The following TFPI variants were observed in gnomAD, a reference collection of about 807,000 sequenced individuals.
TFPI encodes tissue factor pathway inhibitor.
A neutral mutation model predicts 34.6 loss-of-function variants in TFPI; 15 were observed. The observed-to-expected ratio is 0.43, with a 90% confidence interval of 0.29 to 0.67. The LOEUF (loss-of-function observed/expected upper bound fraction) is 0.67, where lower values mean the gene tolerates loss of function less well. TFPI is among the 30% of genes least tolerant of loss of function. TFPI has a pLI of 0.15. For synonymous variants in TFPI, 105 were observed against 120.1 expected (o/e 0.87, Z 0.82); for missense variants, 301 against 364.0 (o/e 0.83, Z 1.41).
At chr2:187,475,500 A>G (rs1692320810) in intron 6 of TFPI, among the ~76,000 whole-genome samples, 2 of 152,178 alleles carry the variant, frequency 1.3e-5, no homozygotes, top group East Asian at 1.9e-4. Flanking sequence ...CGTCATCATC[A>G]TCATTGAAAA....
At chr2:187,478,725 T>A (rs1456331203) in intron 6 of TFPI, 2 of 1,613,676 alleles carry the variant, frequency 1.2e-6, no homozygotes, top group Non-Finnish European at 1.7e-6. Context: ...CATGGATGCA[T>A]GAATGCAGAA....
intron 6 of TFPI, among the ~76,000 whole-genome samples, chr2:187,476,042 G>A (rs1052028322): frequency 6.6e-6 from 1 of 152,176 alleles, no homozygotes; most frequent in Non-Finnish European, 1.5e-5. Flanking sequence ...GTGCAACAGT[G>A]CTGATTCAAA....
At chr2:187,508,888 A>C (rs1559130545) in intron 1 of TFPI, among the ~76,000 whole-genome samples, 2 of 152,180 alleles carry the variant, frequency 1.3e-5, no homozygotes, top group African/African-American at 4.8e-5. Flanking sequence ...TTCAAAGGGA[A>C]TGCTTCCAGG....
At chr2:187,521,117 A>G (rs935587159) in intron 1 of TFPI, among the ~76,000 whole-genome samples, 2 of 151,994 alleles carry the variant, frequency 1.3e-5, no homozygotes, top group Non-Finnish European at 2.9e-5. Flanking sequence ...TTGGGATGTC[A>G]TTTCTTTTAG....
intron 1 of TFPI, among the ~76,000 whole-genome samples, chr2:187,537,694 T>G (rs1260773589): frequency 1.3e-5 from 2 of 152,152 alleles, no homozygotes; most frequent in Non-Finnish European, 2.9e-5. Context: ...ACTTCATCAC[T>G]AAAACACCAA....
At chr2:187,518,599 A>C (rs1439076422) in intron 1 of TFPI, 2 of 152,150 alleles carry the variant, frequency 1.3e-5, no homozygotes, top group Non-Finnish European at 2.9e-5. Flanking sequence ...ACTTTGGTGA[A>C]TCTGACGATT....
chr2:187,473,812 T>G (rs10186632), intron 6 of TFPI, among the ~76,000 whole-genome samples: 17 of 150,122 alleles, frequency 1.1e-4, no homozygotes, highest in East Asian at 1.9e-4. Flanking sequence ...CTTTTTTTTT[T>G]CCCCCCGCAT....
intron 6 of TFPI, among the ~76,000 whole-genome samples, chr2:187,473,065 A>G (rs1327881431): frequency 6.6e-6 from 1 of 152,174 alleles, no homozygotes; most frequent in Non-Finnish European, 1.5e-5. Flanking sequence ...ATCAGTTATA[A>G]GTTTCATCAT....
chr2:187,471,274 A>C (rs147878804), intron 6 of TFPI, among the ~76,000 whole-genome samples: 38 of 152,284 alleles, frequency 2.5e-4, no homozygotes, highest in African/African-American at 9.1e-4. Context: ...AATGACAGTA[A>C]AATTAAAGTA....
intron 1 of TFPI, among the ~76,000 whole-genome samples, chr2:187,540,080 T>G (rs976843733): frequency 2.0e-5 from 3 of 151,906 alleles, no homozygotes; most frequent in Non-Finnish European, 4.4e-5. Context: ...GTTGTCGTAT[T>G]TTAGTATAGA....
intron 6 of TFPI, among the ~76,000 whole-genome samples, chr2:187,468,310 T>G (rs956583390): frequency 1.3e-5 from 2 of 151,118 alleles, no homozygotes; most frequent in African/African-American, 4.9e-5. Flanking sequence ...ATATATTAAT[T>G]TACATATCAT....
chr2:187,483,675 A>G (rs1693045002), intron 6 of TFPI, among the ~76,000 whole-genome samples: 1 of 152,008 alleles, frequency 6.6e-6, no homozygotes, highest in Admixed American at 6.6e-5. Flanking sequence ...ACATTTAGGC[A>G]TGGTTATTCA....
chr2:187,479,822 G>T (rs915273978), intron 6 of TFPI, among the ~76,000 whole-genome samples: 2 of 151,388 alleles, frequency 1.3e-5, no homozygotes, highest in Non-Finnish European at 3.0e-5. Context: ...AATGAAAATG[G>T]AAGAGAGAGA....
At chr2:187,469,974 C>T (rs368780515) in intron 6 of TFPI, among the ~76,000 whole-genome samples, 1 of 152,096 alleles carries the variant, frequency 6.6e-6, no homozygotes, top group Admixed American at 6.6e-5. Context: ...TTAATTGCCA[C>T]CACTTTGATC....
chr2:187,520,437 T>C (rs2106206692), intron 1 of TFPI: 1 of 152,378 alleles, frequency 6.6e-6, no homozygotes, highest in African/African-American at 2.4e-5. Context: ...GGTGAAACAA[T>C]GCCCCACCCT....
intron 3 of TFPI, among the ~76,000 whole-genome samples, chr2:187,491,319 A>T (rs1022242420): frequency 6.6e-6 from 1 of 151,946 alleles, no homozygotes; most frequent in African/African-American, 2.4e-5. Flanking sequence ...TGTACCCATT[A>T]GATAGTTTCT....
chr2:187,548,679 A>G (rs1688985158), intron 1 of TFPI, among the ~76,000 whole-genome samples: 1 of 152,042 alleles, frequency 6.6e-6, no homozygotes, highest in Admixed American at 6.6e-5. Context: ...ATATTGACAG[A>G]ATAGTTATAT....
intron 1 of TFPI, chr2:187,519,016 A>G (rs1687193940): frequency 6.6e-6 from 1 of 152,012 alleles, no homozygotes; most frequent in Admixed American, 6.6e-5. Context: ...TTCTTCTCTA[A>G]ACTGGTTATT....
At chr2:187,467,579 A>G (rs540578131) in intron 7 of TFPI, among the ~76,000 whole-genome samples, 174 bp downstream of exon 7, 1 of 152,134 alleles carries the variant, frequency 6.6e-6, no homozygotes, top group Non-Finnish European at 1.5e-5. Context: ...ATTAAAAGAA[A>G]TTACAGTTAC....
Sources: allele counts gnomAD v4.1 joint callset (sites outside exome capture counted in the v4.1 genomes callset), GRCh38; gene constraint gnomAD v4.1.1; transcripts MANE v1.5; gene names NCBI Gene and HGNC (gene_info 2026-07-23, HGNC 2026-07-21).